Variants in FBXW7 observed in about 807,000 individuals in gnomAD.
FBXW7 encodes F-box/WD repeat-containing protein 7.
A neutral mutation model predicts 86.3 loss-of-function variants in FBXW7; 11 were observed. The ratio of observed to expected loss-of-function variants is 0.13; its 90% CI spans 0.08 to 0.21. FBXW7 has a LOEUF of 0.21. Among genes scored for constraint, FBXW7 ranks in the 10% least tolerant of loss-of-function variants. The pLI, the probability that FBXW7 is intolerant of heterozygous loss-of-function variation, is 1.00. For synonymous variants in FBXW7, 313 were observed against 297.9 expected (o/e 1.05, Z -0.52); for missense variants, 488 against 847.4 (o/e 0.58, Z 5.27).
intron 4 of FBXW7, chr4:152,353,058 A>G (rs1344794206): frequency 2.7e-6 from 3 of 1,101,916 alleles, no homozygotes; most frequent in Non-Finnish European, 3.4e-6. Context: ...TTATTTTTGT[A>G]TTTTGTAAAA....
At chr4:152,368,445 A>G (rs1414070723) in intron 4 of FBXW7, among the ~76,000 whole-genome samples, 1 of 152,076 alleles carries the variant, frequency 6.6e-6, no homozygotes, top group African/African-American at 2.4e-5. Flanking sequence ...GAATTTCTGT[A>G]TAACACAGAA....
intron 4 of FBXW7, among the ~76,000 whole-genome samples, chr4:152,355,804 G>GA (rs1337904780): frequency 1.3e-5 from 2 of 149,758 alleles, no homozygotes; most frequent in Admixed American, 6.7e-5. Context: ...AAGTAACGAG[G>GA]AAAAAAAAAC....
intron 2 of FBXW7, among the ~76,000 whole-genome samples, chr4:152,471,086 T>C (rs944907877): frequency 2.0e-5 from 3 of 152,026 alleles, no homozygotes; most frequent in African/African-American, 7.2e-5. Flanking sequence ...ATAAAAATGC[T>C]TTCTCATGAG....
chr4:152,492,276 A>C (rs1745931904), intron 2 of FBXW7, among the ~76,000 whole-genome samples: 1 of 152,202 alleles, frequency 6.6e-6, no homozygotes, highest in African/African-American at 2.4e-5. Flanking sequence ...AAAAATTTTT[A>C]GTCATTAATC....
chr4:152,525,368 CAT>C (rs70947401), intron 2 of FBXW7, among the ~76,000 whole-genome samples: 3,159 of 152,248 alleles, frequency 0.021, 79 homozygotes, highest in South Asian at 0.14. Context: ...TAGGTAAACA[CAT>C]GTCACGAGGG....
chr4:152,422,399 T>A (rs1426493430), intron 2 of FBXW7, among the ~76,000 whole-genome samples: 1 of 152,094 alleles, frequency 6.6e-6, no homozygotes, highest in South Asian at 2.1e-4. Flanking sequence ...TACTGAAGAG[T>A]TTCTATTAGA....
intron 2 of FBXW7, among the ~76,000 whole-genome samples, chr4:152,534,567 C>A (rs542401449): frequency 2.0e-5 from 3 of 152,060 alleles, no homozygotes; most frequent in African/African-American, 7.2e-5. Flanking sequence ...TATGAGAGTA[C>A]CCCCGAAACA....
intron 11 of FBXW7, 116 bp downstream of exon 11, chr4:152,328,092 T>C (rs960828505): frequency 1.1e-5 from 9 of 805,636 alleles, no homozygotes; most frequent in Non-Finnish European, 1.6e-5. Context: ...TGAAGTGTAA[T>C]AATTAAATCT....
intron 4 of FBXW7, among the ~76,000 whole-genome samples, chr4:152,353,751 T>A (rs1226321611): frequency 6.6e-6 from 1 of 152,220 alleles, no homozygotes; most frequent in Non-Finnish European, 1.5e-5. Flanking sequence ...ACATTTTTCC[T>A]GGAATGACTA....
chr4:152,370,883 TAA>T (rs1464091305), intron 4 of FBXW7, among the ~76,000 whole-genome samples: 1 of 151,082 alleles, frequency 6.6e-6, no homozygotes. Flanking sequence ...TATAAATATA[TAA>T]ACACAAGACA....
chr4:152,402,855 C>G (rs960558004), intron 4 of FBXW7, among the ~76,000 whole-genome samples: 1 of 152,146 alleles, frequency 6.6e-6, no homozygotes, highest in African/African-American at 2.4e-5. Flanking sequence ...AGGACCAAAG[C>G]AAAGTCAGAG....
chr4:152,471,194 A>C (rs1014354735), intron 2 of FBXW7, among the ~76,000 whole-genome samples: 33 of 151,684 alleles, frequency 2.2e-4, no homozygotes, highest in Non-Finnish European at 2.9e-5. Flanking sequence ...AGGTGGGAAA[A>C]AAAATAAGAT....
intron 7 of FBXW7, among the ~76,000 whole-genome samples, chr4:152,335,393 A>C (rs1729970669): frequency 6.6e-6 from 1 of 151,910 alleles, no homozygotes; most frequent in South Asian, 2.1e-4. Context: ...ATTTGAGCCT[A>C]GGAGTTTGAG....
At chr4:152,390,603 T>C (rs1735914057) in intron 4 of FBXW7, among the ~76,000 whole-genome samples, 1 of 152,108 alleles carries the variant, frequency 6.6e-6, no homozygotes, top group African/African-American at 2.4e-5. Flanking sequence ...TCCATAATTC[T>C]CAAAATAAAA....
chr4:152,521,417 T>C (rs1749001214), intron 2 of FBXW7, among the ~76,000 whole-genome samples: 1 of 152,114 alleles, frequency 6.6e-6, no homozygotes, highest in Non-Finnish European at 1.5e-5. Context: ...AATATACATG[T>C]ACACACACAT....
intron 2 of FBXW7, among the ~76,000 whole-genome samples, chr4:152,507,109 T>A (rs578147147): frequency 6.6e-6 from 1 of 152,302 alleles, no homozygotes; most frequent in East Asian, 1.9e-4. Context: ...TAGGAGCATA[T>A]GCATGTATTA....
rs541447755 is a variant in FBXW7 at position 152,342,413 on chromosome 4, T to C, written c.727-4477A>G. Among the ~76,000 whole-genome samples, 43 of 152,284 alleles carry C rather than the reference T, an allele frequency of 2.8e-4. No homozygotes were observed. In the South Asian group the frequency reaches 8.5e-3, roughly 30 times the overall value. ...AAATGCCGATCAAGGACAGCAAGAA[T>C]TACTGAGTTCTAAAACCCGCCAGCA... On this transcript the variant is annotated intron_variant, in intron 6 of 13. Transcript: ENST00000281708.
chr4:152,430,682 A>C (rs531570707), intron 2 of FBXW7, among the ~76,000 whole-genome samples: 4 of 152,280 alleles, frequency 2.6e-5, no homozygotes, highest in African/African-American at 9.6e-5. Context: ...TTTCAGTCAC[A>C]GTATTGACAG....
At chr4:152,381,371 A>T (rs1263977967) in intron 4 of FBXW7, among the ~76,000 whole-genome samples, 3 of 152,126 alleles carry the variant, frequency 2.0e-5, no homozygotes, top group African/African-American at 7.2e-5. Flanking sequence ...ATAGAACCCT[A>T]ACAGTGTTGA....
Sources: allele counts gnomAD v4.1 joint callset (sites outside exome capture counted in the v4.1 genomes callset), GRCh38; gene constraint gnomAD v4.1.1; transcripts MANE v1.5; gene names NCBI Gene and HGNC (gene_info 2026-07-23, HGNC 2026-07-21).